Variants in STK17A observed in about 807,000 individuals in gnomAD.
STK17A encodes serine/threonine kinase 17a.
In STK17A, 26 loss-of-function variants were observed where a neutral mutation model predicts 43.7. The ratio of observed to expected loss-of-function variants is 0.60; its 90% CI spans 0.44 to 0.83. STK17A has a LOEUF of 0.83. Ranked by LOEUF, STK17A falls within the 40% of genes least tolerant of loss-of-function variation. STK17A has a pLI of 0.00. For synonymous variants in STK17A, 191 were observed against 182.5 expected (o/e 1.05, Z -0.38); for missense variants, 476 against 511.6 (o/e 0.93, Z 0.67).
At chr7:43,584,396 A>T (rs1289800616) in intron 1 of STK17A, among the ~76,000 whole-genome samples, 1 of 152,224 alleles carries the variant, frequency 6.6e-6, no homozygotes, top group Non-Finnish European at 1.5e-5. Context: ...AAATCGTATA[A>T]TGATGACAGT....
At position 43,613,044 on chromosome 7, in the gene STK17A, C is replaced by T. The variant is rs140736673; in HGVS notation, c.564+4644C>T. ...TTGGTGAATTAGTCATTCAGTACAG[C>T]GGCCTGGTTTTAGTCCTGTCAGAGG... On this transcript the variant is annotated intron_variant, in intron 3 of 6. Coordinates refer to ENST00000319357, the MANE Select transcript of STK17A (RefSeq NM_004760.3). Among the ~76,000 whole-genome samples, 331 of 152,302 alleles carry T rather than the reference C, an allele frequency of 2.2e-3. 1 individual carries two copies. Among genetic ancestry groups the T allele is most frequent in the African/African-American group, 7.5e-3 (313 of 41,562 alleles).
At chr7:43,612,790 T>C (rs1029982222) in intron 3 of STK17A, among the ~76,000 whole-genome samples, 3 of 150,814 alleles carry the variant, frequency 2.0e-5, no homozygotes, top group Admixed American at 6.7e-5. Flanking sequence ...ATATCTTAAA[T>C]AGAGCTGGGA....
intron 2 of STK17A, among the ~76,000 whole-genome samples, chr7:43,599,975 A>C (rs971844412): frequency 6.6e-6 from 1 of 152,060 alleles, no homozygotes; most frequent in Non-Finnish European, 1.5e-5. Context: ...CTTGCCTTCT[A>C]TATTTCTTCT....
In STK17A at chr7:43,623,061, AT is replaced by A. The variant is rs565209042; in HGVS notation, c.692-500del. On this transcript the variant is annotated intron_variant, in intron 4 of 6. Transcript: ENST00000319357. ...CATGCCTGTAGTGTCAGAATGCCCAATTTTTTTTTTTAACCTTGTTGACTTT... is the reference window on the plus strand; with the variant it reads ...CATGCCTGTAGTGTCAGAATGCCCAATTTTTTTTTTAACCTTGTTGACTTT... The A allele has an allele frequency of 2.9e-3, 430 of 148,698 alleles. 1 individual carries two copies. The highest frequency in any genetic ancestry group is 4.4e-3 in the Non-Finnish European group (296 of 67,138). The allele number at this position is 148,698 out of a possible 1,614,324, so 9.2% of individuals were successfully genotyped here.
At position 43,583,447 on chromosome 7, in the gene STK17A, C is replaced by A; in HGVS notation, c.204C>A (p.Gly68=). The A allele has an allele frequency of 7.5e-7, 1 of 1,330,234 alleles. No homozygotes were observed. Among genetic ancestry groups the A allele is most frequent in the South Asian group, 2.1e-5 (1 of 47,996 alleles). The allele number at this position is 1,330,234 out of a possible 1,614,324, so 82.4% of individuals were successfully genotyped here. The change falls in exon 1 of 7, where the codon GGC becomes GGA. Residue 68 remains glycine, a splice_region_variant and synonymous_variant. Coordinates refer to ENST00000319357, the MANE Select transcript of STK17A (RefSeq NM_004760.3). ...GYSLCPGREL[G]RGKFAVVRKC... ...GCCTGTGCCCGGGCCGGGAGCTGGG[C>A]AGGTGAGGACGGGCGGGGCCCGGCG...
chr7:43,608,195 T>C, intron 2 of STK17A, 61 bp from the exon 3 acceptor site: 1 of 1,476,364 alleles, frequency 6.8e-7, no homozygotes, highest in South Asian at 1.3e-5. Flanking sequence ...TCTGTAGTTT[T>C]GGTGTAAGTG....
intron 1 of STK17A, among the ~76,000 whole-genome samples, chr7:43,591,423 T>G (rs2082478965): frequency 6.6e-6 from 1 of 151,568 alleles, no homozygotes; most frequent in African/African-American, 2.4e-5. Flanking sequence ...ACAGTGGACT[T>G]GAGTCATTGC....
At chr7:43,593,652 T>A (rs2082494185) in intron 1 of STK17A, among the ~76,000 whole-genome samples, 2 of 152,108 alleles carry the variant, frequency 1.3e-5, no homozygotes, top group Non-Finnish European at 2.9e-5. Flanking sequence ...GAACATTTTT[T>A]AATGTGTTTG....
chr7:43,583,402 G>C lies in STK17A; in HGVS notation c.159G>C (p.Glu53Asp). 1.4e-6 allele frequency: 2 copies of C among 1,439,952 alleles called. No homozygotes were observed. Among genetic ancestry groups the C allele is most frequent in the South Asian group, 1.4e-5 (1 of 69,990 alleles). The allele number at this position is 1,439,952 out of a possible 1,614,324, so 89.2% of individuals were successfully genotyped here. A position where few individuals can be genotyped will look rare whatever the true frequency, so the allele number is the denominator to read the frequency against. Residue 53 changes from glutamate to aspartate, a missense_variant, in exon 1 of 7, where the codon GAG becomes GAC. Coordinates refer to ENST00000319357, the MANE Select transcript of STK17A (RefSeq NM_004760.3). Reference sequence around the variant, plus strand: ...AGATACGCGCCGTGGTGCGCACCGAGCCCTTCCAGGACGGCTACAGCCTGT... The same window carrying C: ...AGATACGCGCCGTGGTGCGCACCGACCCCTTCCAGGACGGCTACAGCCTGT... The part of the protein sequence containing the change: ...LTEIRAVVRT[E>D]PFQDGYSLCP...
chr7:43,615,245 G>C (rs146990526), intron 3 of STK17A, among the ~76,000 whole-genome samples: 1 of 151,994 alleles, frequency 6.6e-6, no homozygotes, highest in African/African-American at 2.4e-5. Flanking sequence ...GCACTATCTC[G>C]GCTCACTGCA....
chr7:43,619,078 T>G (rs953014525), intron 3 of STK17A, among the ~76,000 whole-genome samples: 1 of 152,142 alleles, frequency 6.6e-6, no homozygotes, highest in African/African-American at 2.4e-5. Context: ...CAAGGATGCT[T>G]GACAGTGCCC....
At chr7:43,619,557 A>G (rs368048390) in intron 3 of STK17A, 40 bp from the exon 4 acceptor site, 2 of 1,600,698 alleles carry the variant, frequency 1.2e-6, no homozygotes, top group African/African-American at 2.7e-5. Context: ...GTACTTAATC[A>G]TAGTTATATT....
intron 4 of STK17A, among the ~76,000 whole-genome samples, chr7:43,621,585 A>G (rs1184460228): frequency 6.6e-6 from 1 of 152,134 alleles, no homozygotes; most frequent in Admixed American, 6.5e-5. Flanking sequence ...CTCCTGCCTC[A>G]GCCTCCCGAG....
chr7:43,586,776 T>G (rs1232566120), intron 1 of STK17A, among the ~76,000 whole-genome samples: 1 of 151,618 alleles, frequency 6.6e-6, no homozygotes, highest in Non-Finnish European at 1.5e-5. Context: ...GAAAAAAATA[T>G]TTTAAGCCAA....
At chr7:43,597,295 G>A (rs569712220) in intron 2 of STK17A, among the ~76,000 whole-genome samples, 4 of 147,402 alleles carry the variant, frequency 2.7e-5, no homozygotes, top group African/African-American at 7.3e-5. Context: ...TCAAAATCTT[G>A]AAAATATAAT....
At position 43,623,772 on chromosome 7, in the gene STK17A, A is replaced by G; in HGVS notation, c.804A>G (p.Lys268=). The G allele has an allele frequency of 6.2e-7, 1 of 1,609,008 alleles. No homozygotes were observed. The highest frequency in any genetic ancestry group is 8.5e-7 in the Non-Finnish European group (1 of 1,178,394). Residue 268 remains lysine, a synonymous_variant, in exon 6 of 7, where the codon AAA becomes AAG. Transcript: ENST00000319357. ...TGISPFLGND[K]QETFLNISQM... is the part of the protein sequence containing the mutation. ...TATCACCTTTCTTAGGCAATGATAAACAAGAAACATTCTTAAACATCTCAC... is the reference window on the plus strand; with the variant it reads ...TATCACCTTTCTTAGGCAATGATAAGCAAGAAACATTCTTAAACATCTCAC...
rs767458625 is a variant in STK17A, at chr7:43,583,204, G to A, written c.-40G>A. 157 of 1,550,754 alleles carry A rather than the reference G, an allele frequency of 1.0e-4. 3 individuals carry two copies. The Admixed American group carries it at 2.8e-3, about 27-fold the overall frequency. ...GGGTCCGTGACCCTCCGGCTGCTCGGAGTGAACAGGCGGCCAGGAAAGAAG... is the reference window on the plus strand; with the variant it reads ...GGGTCCGTGACCCTCCGGCTGCTCGAAGTGAACAGGCGGCCAGGAAAGAAG... On this transcript the variant is annotated 5_prime_UTR_variant, in exon 1 of 7. Coordinates refer to ENST00000319357, the MANE Select transcript of STK17A (RefSeq NM_004760.3).
chr7:43,623,916 T>C (rs1364198803), intron 6 of STK17A, 28 bp downstream of exon 6: 2 of 1,381,302 alleles, frequency 1.4e-6, no homozygotes, highest in South Asian at 1.8e-5. Context: ...TAGTTTAATA[T>C]TGAACTAATT....
intron 3 of STK17A, chr7:43,609,342 G>C (rs2082670097): frequency 6.6e-6 from 1 of 152,308 alleles, no homozygotes; most frequent in African/African-American, 2.4e-5. Flanking sequence ...GAACCAGTAA[G>C]TGTGCTGGTT....
Sources: gnomAD v4.1 joint callset for allele counts (sites outside exome capture counted in the v4.1 genomes callset) on GRCh38, gnomAD v4.1.1 for gene constraint, MANE v1.5 for transcripts, NCBI Gene and HGNC (gene_info 2026-07-23, HGNC 2026-07-21) for gene names.